The following PRR14L variants were observed in gnomAD, a reference collection of about 807,000 sequenced individuals.
PRR14L encodes protein PRR14L.
Under a neutral mutation model 155.0 loss-of-function variants are expected in PRR14L, and 80 were observed. The observed-to-expected ratio is 0.52, with a 90% CI of 0.43 to 0.62. The LOEUF (loss-of-function observed/expected upper bound fraction) is 0.62. Among genes scored for constraint, PRR14L ranks in the 20% least tolerant of loss-of-function variants. The pLI is 0.00. For missense variants in PRR14L, 2,469 were observed against 2,548.0 expected, an observed-to-expected ratio of 0.97 and a Z score of 0.67; for synonymous variants, 883 against 916.0, an observed-to-expected ratio of 0.96 and a Z score of 0.65.
intron 3 of PRR14L, 35 bp downstream of exon 3, chr22:31,725,503 G>A: frequency 7.3e-7 from 1 of 1,369,772 alleles, no homozygotes; most frequent in Middle Eastern, 1.8e-4. Context: ...TTTGCAGTAA[G>A]TGGATAAAGG....
intron 2 of PRR14L, among the ~76,000 whole-genome samples, chr22:31,733,298 GTTTTT>G (rs1162819822): frequency 6.2e-5 from 4 of 64,070 alleles, no homozygotes; most frequent in African/African-American, 2.2e-4. Context: ...CCTGGCCACT[GTTTTT>G]TTTTTTTTTT....
chr22:31,704,998 G>A (rs1395965651), intron 4 of PRR14L, among the ~76,000 whole-genome samples: 3 of 152,216 alleles, frequency 2.0e-5, no homozygotes, highest in Non-Finnish European at 2.9e-5. Flanking sequence ...GGTGGCTGAT[G>A]CCTATAATCC....
In PRR14L at chr22:31,716,993, T is replaced by G; in HGVS notation, c.846A>C (p.Ser282=). The G allele has an allele frequency of 6.4e-7, 1 of 1,551,764 alleles. No homozygotes were observed. The highest frequency in any genetic ancestry group is 1.2e-5 in the South Asian group (1 of 84,062). ...CEELKSCPWL[S]LPGNSAISNV... is the part of the protein sequence containing the mutation. ...TAGAAATGGCACTGTTTCCTGGTAATGACAACCAAGGACAACTTTTTAATT... is the reference window on the plus strand; with the variant it reads ...TAGAAATGGCACTGTTTCCTGGTAAGGACAACCAAGGACAACTTTTTAATT... The change falls in exon 4 of 9, where the codon TCA becomes TCC. Residue 282 remains serine, a synonymous_variant. Coordinates refer to ENST00000327423, the MANE Select transcript of PRR14L (RefSeq NM_173566.3).
intron 1 of PRR14L, among the ~76,000 whole-genome samples, chr22:31,747,344 C>G (rs1297448394): frequency 7.2e-6 from 1 of 139,754 alleles, no homozygotes; most frequent in African/African-American, 2.7e-5. Flanking sequence ...AAACTCCCGA[C>G]CTCAGGTGAT....
intron 3 of PRR14L, among the ~76,000 whole-genome samples, chr22:31,718,018 C>T (rs1429014745): frequency 6.6e-6 from 1 of 150,430 alleles, no homozygotes; most frequent in East Asian, 2.0e-4. Flanking sequence ...ACCTCCACTT[C>T]CTGGGTTCAA....
At chr22:31,704,769 G>A (rs754490377) in intron 4 of PRR14L, 43 bp from the exon 5 acceptor site, 7 of 1,478,984 alleles carry the variant, frequency 4.7e-6, no homozygotes, top group Non-Finnish European at 6.6e-6. Flanking sequence ...TAAGGGCAGT[G>A]GGATAACAGG....
intron 7 of PRR14L, among the ~76,000 whole-genome samples, chr22:31,695,621 A>G (rs1199042178): frequency 6.6e-6 from 1 of 152,062 alleles, no homozygotes; most frequent in African/African-American, 2.4e-5. Context: ...AGCAAAAACC[A>G]CATGCTCCAG....
At chr22:31,692,605 T>C (rs1245810274) in intron 7 of PRR14L, among the ~76,000 whole-genome samples, 2 of 152,236 alleles carry the variant, frequency 1.3e-5, no homozygotes, top group African/African-American at 4.8e-5. Flanking sequence ...AAATATTTTC[T>C]CCAATTCTGT....
chr22:31,740,014 C>T (rs1275365839), intron 1 of PRR14L, among the ~76,000 whole-genome samples: 1 of 152,068 alleles, frequency 6.6e-6, no homozygotes, highest in African/African-American at 2.4e-5. Context: ...AAAAAATCTG[C>T]TTTGACCTGA....
chr22:31,738,508 T>C lies in PRR14L; in HGVS notation c.353A>G (p.Glu118Gly). ...LDRAKRSESMEPKVFRDPGGQ... is the reference protein window; with the variant it reads ...LDRAKRSESMGPKVFRDPGGQ... ...CCCTGGATCTCTGAAGACCTTTGGC[T>C]CCATGCTCTCGCTTCTCTTTGCCCT... The change falls in exon 2 of 9, where the codon GAG becomes GGG. Residue 118 changes from glutamate (E) to glycine (G), a missense_variant. Coordinates refer to ENST00000327423, the MANE Select transcript of PRR14L (RefSeq NM_173566.3). 6.4e-7 allele frequency: 1 copy of C among 1,552,054 alleles called. No homozygotes were observed. Among genetic ancestry groups the C allele is most frequent in the Non-Finnish European group, 8.7e-7 (1 of 1,147,072 alleles).
intron 2 of PRR14L, among the ~76,000 whole-genome samples, chr22:31,732,728 T>A (rs1277790554): frequency 6.6e-6 from 1 of 152,204 alleles, no homozygotes. Flanking sequence ...TGCTGAGTCC[T>A]GTGAGTTTCA....
In PRR14L at chr22:31,685,005, G is replaced by A. The variant is rs1287059751; in HGVS notation, c.*522C>T. ...ATACACTCACATCAATAGGTCCTGG[G>A]CAGACAAAAGATAAGAAAACACAAC... On this transcript the variant is annotated 3_prime_UTR_variant, in exon 9 of 9. Transcript: ENST00000327423. The A allele has an allele frequency of 1.9e-5, 3 of 158,266 alleles. No individual in the cohort carries two copies. The highest frequency in any genetic ancestry group is 7.2e-5 in the African/African-American group (3 of 41,424). 9.8% of individuals were successfully genotyped at this position (158,266 alleles called of 1,614,324 possible).
chr22:31,722,713 T>C (rs1321954271), intron 3 of PRR14L, among the ~76,000 whole-genome samples: 1 of 151,986 alleles, frequency 6.6e-6, no homozygotes, highest in East Asian at 1.9e-4. Flanking sequence ...CTTGTATTTT[T>C]AGTAGCGATG....
Position 31,685,509 on chromosome 22 carries a change from C to T in PRR14L, c.*18G>A. 3 of 1,525,062 alleles carry T rather than the reference C, an allele frequency of 2.0e-6. No homozygotes were observed. Among genetic ancestry groups the T allele is most frequent in the Non-Finnish European group, 2.7e-6 (3 of 1,131,366 alleles). The allele number at this position is 1,525,062 out of a possible 1,614,324, so 94.5% of individuals were successfully genotyped here. On this transcript the variant is annotated 3_prime_UTR_variant, in exon 9 of 9. Coordinates refer to ENST00000327423, the MANE Select transcript of PRR14L (RefSeq NM_173566.3). ...ACAAAAAAACCCTAAAATTGAGACC[C>T]TCAAACTGAATCGCTTCTCAACAGC...
At chr22:31,698,244 T>G (rs1417852428) in intron 7 of PRR14L, among the ~76,000 whole-genome samples, 1 of 151,978 alleles carries the variant, frequency 6.6e-6, no homozygotes, top group Non-Finnish European at 1.5e-5. Context: ...AGGCTGGTCT[T>G]GAACTCCTGA....
chr22:31,726,634 G>T (rs915694216), intron 2 of PRR14L, among the ~76,000 whole-genome samples: 1 of 152,122 alleles, frequency 6.6e-6, no homozygotes, highest in Non-Finnish European at 1.5e-5. Context: ...TGCTTTTCCA[G>T]TTCTCAGGCT....
intron 3 of PRR14L, among the ~76,000 whole-genome samples, chr22:31,721,295 A>G (rs2074688340): frequency 6.6e-6 from 1 of 152,250 alleles, no homozygotes; most frequent in Non-Finnish European, 1.5e-5. Context: ...AGTGCATCCT[A>G]CCAATTAAAG....
intron 4 of PRR14L, among the ~76,000 whole-genome samples, chr22:31,709,672 C>G (rs1479708815): frequency 6.6e-6 from 1 of 150,930 alleles, no homozygotes; most frequent in African/African-American, 2.4e-5. Context: ...TCCCAAGTAG[C>G]TGGGACTACA....
Position 31,725,605 on chromosome 22 carries a change from A to G in PRR14L, c.480T>C (p.Asp160=), listed in dbSNP as rs572960389. ...AEEKTSPSQE[D]LLMQSSKELS... ...GTTCTTTGCTGGACTGCATCAGGAGATCCTCCTACAGTAAGAAAATCCAGT... is the reference window on the plus strand; with the variant it reads ...GTTCTTTGCTGGACTGCATCAGGAGGTCCTCCTACAGTAAGAAAATCCAGT... The change falls in exon 3 of 9, where the codon GAT becomes GAC. Residue 160 remains aspartate, a synonymous_variant. Coordinates refer to ENST00000327423, the MANE Select transcript of PRR14L (RefSeq NM_173566.3). 1.3e-6 allele frequency: 2 copies of G among 1,548,310 alleles called. No homozygotes were observed. The highest frequency in any genetic ancestry group is 3.9e-5 in the Admixed American group (2 of 50,976).
Sources: gnomAD v4.1 joint callset for allele counts (sites outside exome capture counted in the v4.1 genomes callset) on GRCh38, gnomAD v4.1.1 for gene constraint, MANE v1.5 for transcripts, NCBI Gene and HGNC (gene_info 2026-07-23, HGNC 2026-07-21) for gene names.